IQANK1: variants seen among roughly 807,000 people sequenced by gnomAD.
The protein encoded by IQANK1 is IQ motif and ankyrin repeat containing 1, also known as IQ motif and ankyrin repeat domain-containing protein 1.
Under a neutral mutation model 22.6 loss-of-function variants are expected in IQANK1, and 30 were observed. That is an observed-to-expected ratio of 1.33 (90% CI 0.99 to 1.80). IQANK1 has a LOEUF of 1.80. Ranked by LOEUF, IQANK1 falls within the 40% of genes most tolerant of loss-of-function variation. The pLI is 0.00. For synonymous variants in IQANK1, 122 were observed against 99.6 expected (o/e 1.23, Z -1.34); for missense variants, 275 against 235.2 (o/e 1.17, Z -1.11).
chr8:143,769,208 C>T (rs923825232), intron 3 of IQANK1, among the ~76,000 whole-genome samples: 4 of 151,944 alleles, frequency 2.6e-5, no homozygotes, highest in African/African-American at 4.8e-5. Flanking sequence ...TACAGATGCA[C>T]GCCACTGCAC....
intron 2 of IQANK1, among the ~76,000 whole-genome samples, chr8:143,738,266 G>A (rs1383139743): frequency 1.3e-5 from 2 of 152,202 alleles, no homozygotes; most frequent in African/African-American, 4.8e-5. Flanking sequence ...TTCACCAGGT[G>A]TCTGCTCCCC....
In IQANK1 at chr8:143,790,343, G is replaced by C; in HGVS notation, c.1425-7G>C. 2 of 1,207,108 alleles carry C rather than the reference G, an allele frequency of 1.7e-6. No individual in the cohort carries two copies. Among genetic ancestry groups the C allele is most frequent in the Non-Finnish European group, 2.1e-6 (2 of 965,304 alleles). 74.8% of individuals were successfully genotyped at this position (1,207,108 alleles called of 1,614,324 possible). On this transcript the variant is annotated splice_polypyrimidine_tract_variant and splice_region_variant and intron_variant, in intron 13 of 13. Transcript: ENST00000527139. ...CCCACCCTGGCCTCACCAGCCTCAT[G>C]GGGCAGGTATGGGAAGCCGCTGGTG... is the stretch of plus-strand genomic sequence containing the variant.
chr8:143,767,345 A>AGT (rs201610376), intron 3 of IQANK1, among the ~76,000 whole-genome samples: 118 of 151,494 alleles, frequency 7.8e-4, no homozygotes, highest in African/African-American at 1.9e-3. Context: ...ATGTTTTATG[A>AGT]GTGTGTGTGT....
At chr8:143,740,066 G>A in intron 3 of IQANK1, 118 bp downstream of exon 3, 1 of 546,202 alleles carries the variant, frequency 1.8e-6, no homozygotes, top group South Asian at 2.4e-5. Context: ...GTACACATGT[G>A]CTTGTGCGCG....
At chr8:143,750,637 A>G (rs1473363263) in intron 3 of IQANK1, among the ~76,000 whole-genome samples, 2 of 151,952 alleles carry the variant, frequency 1.3e-5, no homozygotes, top group Non-Finnish European at 2.9e-5. Context: ...GGAGTTGGAG[A>G]CCAGCCTGGG....
At chr8:143,753,869 A>G (rs1022609564) in intron 3 of IQANK1, among the ~76,000 whole-genome samples, 2 of 152,006 alleles carry the variant, frequency 1.3e-5, no homozygotes, top group Admixed American at 6.6e-5. Flanking sequence ...TGAATCTAAT[A>G]ATGTGGTAAC....
intron 7 of IQANK1, among the ~76,000 whole-genome samples, chr8:143,783,515 G>A (rs1554631102): frequency 6.6e-6 from 1 of 152,110 alleles, no homozygotes; most frequent in Non-Finnish European, 1.5e-5. Context: ...TATTATAGGT[G>A]TCTTCTGTCT....
intron 7 of IQANK1, among the ~76,000 whole-genome samples, chr8:143,778,820 G>T (rs1480706475): frequency 6.6e-6 from 1 of 152,196 alleles, no homozygotes; most frequent in Non-Finnish European, 1.5e-5. Flanking sequence ...AGGCTGGAGG[G>T]CAGTGGCGCA....
At chr8:143,768,541 G>A (rs577553032) in intron 3 of IQANK1, among the ~76,000 whole-genome samples, 2 of 152,224 alleles carry the variant, frequency 1.3e-5, no homozygotes, top group African/African-American at 2.4e-5. Flanking sequence ...AGCTGCAGCC[G>A]CTGCACTTCT....
chr8:143,780,268 C>T (rs1298174262), intron 7 of IQANK1, among the ~76,000 whole-genome samples: 4 of 152,122 alleles, frequency 2.6e-5, no homozygotes, highest in South Asian at 4.1e-4. Flanking sequence ...AATATTCCTA[C>T]ATTATATACA....
intron 7 of IQANK1, among the ~76,000 whole-genome samples, chr8:143,788,468 T>C (rs782124455): frequency 3.9e-5 from 6 of 152,110 alleles, no homozygotes; most frequent in Non-Finnish European, 8.8e-5. Flanking sequence ...AGGGATTGTG[T>C]CCTGCAGGCA....
intron 3 of IQANK1, among the ~76,000 whole-genome samples, chr8:143,748,965 ATC>A (rs1563770599): frequency 5.2e-5 from 6 of 116,220 alleles, no homozygotes; most frequent in Admixed American, 1.1e-4. Flanking sequence ...ATAAATATAT[ATC>A]ATATATAAAT....
At chr8:143,754,614 C>A (rs1485203345) in intron 3 of IQANK1, among the ~76,000 whole-genome samples, 1 of 152,016 alleles carries the variant, frequency 6.6e-6, no homozygotes, top group South Asian at 2.1e-4. Context: ...ACAAAGGTAG[C>A]AATCTTATTT....
At chr8:143,744,224 C>T (rs1435920396) in intron 3 of IQANK1, 1 of 158,616 alleles carries the variant, frequency 6.3e-6, no homozygotes, top group South Asian at 1.7e-4. Context: ...TGATTAGCAA[C>T]CTTAGTTCAT....
chr8:143,778,160 A>C (rs1819727007), intron 7 of IQANK1, among the ~76,000 whole-genome samples: 1 of 151,388 alleles, frequency 6.6e-6, no homozygotes, highest in Admixed American at 6.6e-5. Flanking sequence ...GCACCACTGC[A>C]CTCCAGCCTG....
intron 7 of IQANK1, among the ~76,000 whole-genome samples, chr8:143,788,017 C>T (rs1554631612): frequency 3.3e-5 from 5 of 152,190 alleles, no homozygotes; most frequent in African/African-American, 1.2e-4. Flanking sequence ...CCGACTGTTT[C>T]GCAGGCCTAA....
At chr8:143,773,345 G>T (rs1439133221) in intron 7 of IQANK1, among the ~76,000 whole-genome samples, 1 of 148,844 alleles carries the variant, frequency 6.7e-6, no homozygotes, top group Non-Finnish European at 1.5e-5. Context: ...AACAGAGTCT[G>T]CCCTGGGCCA....
intron 7 of IQANK1, among the ~76,000 whole-genome samples, chr8:143,783,091 C>A (rs1420835918): frequency 2.0e-5 from 3 of 152,168 alleles, no homozygotes; most frequent in African/African-American, 7.2e-5. Flanking sequence ...GATGAACGTT[C>A]AGTTTGTTTC....
At chr8:143,769,810 A>T (rs1331070044) in intron 3 of IQANK1, among the ~76,000 whole-genome samples, 1 of 152,198 alleles carries the variant, frequency 6.6e-6, no homozygotes, top group Non-Finnish European at 1.5e-5. Flanking sequence ...TCTTGCTGTC[A>T]CTGGGAAGGC....
Sources: gnomAD v4.1 joint callset for allele counts (sites outside exome capture counted in the v4.1 genomes callset) on GRCh38, gnomAD v4.1.1 for gene constraint, MANE v1.5 for transcripts, NCBI Gene and HGNC (gene_info 2026-07-23, HGNC 2026-07-21) for gene names.